The following NWD1 variants were observed in gnomAD, a reference collection of about 807,000 sequenced individuals.
The protein encoded by NWD1 is NACHT and WD repeat domain containing 1, also known as NACHT domain- and WD repeat-containing protein 1.
NWD1 carries 129 observed loss-of-function variants against 135.1 expected under a neutral mutation model. That is an observed-to-expected ratio of 0.96 (90% CI 0.83 to 1.11). The LOEUF (loss-of-function observed/expected upper bound fraction) is 1.11. NWD1 is among the 50% of genes least tolerant of loss of function. NWD1 has a pLI of 0.00. For missense variants in NWD1, 1,740 were observed against 1,851.3 expected (o/e 0.94, Z 1.10); for synonymous variants, 773 against 786.0 (o/e 0.98, Z 0.28).
intron 2 of NWD1, among the ~76,000 whole-genome samples, chr19:16,726,154 G>A (rs1396099237): frequency 9.9e-5 from 15 of 151,778 alleles, no homozygotes; most frequent in African/African-American, 3.1e-4. Context: ...AAGAGACAGG[G>A]TTTCTCCACA....
At chr19:16,772,272 G>A (rs960152682) in intron 10 of NWD1, among the ~76,000 whole-genome samples, 3 of 152,170 alleles carry the variant, frequency 2.0e-5, no homozygotes, top group Non-Finnish European at 2.9e-5. Flanking sequence ...GGCTGTGGCC[G>A]GAAGATCGCT....
intron 18 of NWD1, among the ~76,000 whole-genome samples, chr19:16,814,798 C>A (rs1041202829): frequency 5.9e-5 from 9 of 152,148 alleles, no homozygotes; most frequent in African/African-American, 2.2e-4. Context: ...AAGCACATGA[C>A]CTGCATGATG....
chr19:16,753,230 T>C (rs1363023967), intron 6 of NWD1, among the ~76,000 whole-genome samples: 1 of 152,192 alleles, frequency 6.6e-6, no homozygotes, highest in Non-Finnish European at 1.5e-5. Flanking sequence ...ACAGTTGGCA[T>C]CAGGAGCCCA....
chr19:16,805,605 T>C (rs1489068759), intron 17 of NWD1, among the ~76,000 whole-genome samples: 1 of 152,280 alleles, frequency 6.6e-6, no homozygotes, highest in East Asian at 1.9e-4. Flanking sequence ...TAGATGGGAT[T>C]ACAGGCATGA....
chr19:16,779,563 C>T (rs1303801770), intron 12 of NWD1, 98 bp downstream of exon 12: 1 of 1,172,170 alleles, frequency 8.5e-7, no homozygotes, highest in Non-Finnish European at 1.2e-6. Context: ...TATTGAAACC[C>T]TGGCCTTTGT....
intron 17 of NWD1, 102 bp downstream of exon 17, chr19:16,800,264 T>G: frequency 8.3e-7 from 1 of 1,202,780 alleles, no homozygotes; most frequent in Non-Finnish European, 1.2e-6. Context: ...CTGGGCCCCA[T>G]GGCTCACGCC....
At chr19:16,783,959 C>T (rs1410913982) in intron 12 of NWD1, among the ~76,000 whole-genome samples, 1 of 151,990 alleles carries the variant, frequency 6.6e-6, no homozygotes, top group Non-Finnish European at 1.5e-5. Context: ...CGTCTGTAAT[C>T]CCAACACTTC....
Position 16,749,864 on chromosome 19 carries a change from G to A in NWD1, c.1222G>A (p.Asp408Asn). The A allele has an allele frequency of 6.2e-7, 1 of 1,613,146 alleles. No individual in the cohort carries two copies. Among genetic ancestry groups the A allele is most frequent in the Non-Finnish European group, 8.5e-7 (1 of 1,179,752 alleles). ...GCCCTTGCCCCCTGCCCAGGTTCTG[G>A]ACGCCCACACCAGGGTGGTCCAGTT... ...GLPLPPAQVL[D>N]AHTRVVQFFH... Residue 408 changes from aspartate (D) to asparagine (N), a missense_variant, in exon 6 of 19, where the codon GAC becomes AAC. Transcript: ENST00000524140.
In NWD1 at chr19:16,776,880, T is replaced by C. The variant is rs560793198; in HGVS notation, c.2609-2463T>C. ...TGGCTTGAGCCCAAGAGTTCGAGGCTGCAGTGAGCTGTGATTGTGGCACTG... is the reference window on the plus strand; with the variant it reads ...TGGCTTGAGCCCAAGAGTTCGAGGCCGCAGTGAGCTGTGATTGTGGCACTG... On this transcript the variant is annotated intron_variant, in intron 11 of 18. Coordinates refer to ENST00000524140, the MANE Select transcript of NWD1 (RefSeq NM_001007525.5). 9.4e-5 allele frequency among the ~76,000 whole-genome samples: 13 copies of C among 138,914 alleles called. No homozygotes were observed. The South Asian group carries it at 3.1e-3, about 33-fold the overall frequency. The allele number at this position is 138,914 out of a possible 152,430, so 91.1% of individuals were successfully genotyped here. A position where few individuals can be genotyped will look rare whatever the true frequency, so the allele number is the denominator to read the frequency against.
chr19:16,789,118 C>A lies in NWD1; in HGVS notation c.2868C>A (p.Pro956=). The change falls in exon 13 of 19, where the codon CCC becomes CCA. Residue 956 remains proline, a synonymous_variant. Transcript: ENST00000524140. ...TTTGGGATGGAGGCTCAAAAAATCC[C>A]GCTGAACCTCAGATCTGGAACCTTC... The part of the protein sequence containing the change: ...FTIWDGGSKN[P]AEPQIWNLHV... 1 of 1,613,946 alleles carries A rather than the reference C, an allele frequency of 6.2e-7. No individual in the cohort carries two copies. Among genetic ancestry groups the A allele is most frequent in the South Asian group, 1.1e-5 (1 of 91,074 alleles).
rs1451487277 is a variant in NWD1 at position 16,724,479 on chromosome 19, C to T, written c.-7+16C>T. 6.6e-6 allele frequency: 1 copy of T among 152,194 alleles called. No homozygotes were observed. Among genetic ancestry groups the T allele is most frequent in the Non-Finnish European group, 1.5e-5 (1 of 68,052 alleles). 9.4% of individuals were successfully genotyped at this position (152,194 alleles called of 1,614,324 possible). On this transcript the variant is annotated intron_variant, in intron 2 of 18. Coordinates refer to ENST00000524140, the MANE Select transcript of NWD1 (RefSeq NM_001007525.5). ...GGATGCCAAGGTATACGCGTGTTCT[C>T]TCTGCCTCCAGCGGTGGTTTGCTAC... is the stretch of plus-strand genomic sequence containing the variant.
chr19:16,788,262 TAATAA>T (rs1970120814), intron 12 of NWD1, among the ~76,000 whole-genome samples: 1 of 142,198 alleles, frequency 7.0e-6, no homozygotes, highest in African/African-American at 2.6e-5. Context: ...ATAATAATAA[TAATAA>T]TAATAATAAT....
chr19:16,744,598 A>G lies in NWD1; in HGVS notation c.376A>G (p.Thr126Ala), dbSNP rs948137493. 2.6e-6 allele frequency: 4 copies of G among 1,535,242 alleles called. No homozygotes were observed. The highest frequency in any genetic ancestry group is 2.6e-6 in the Non-Finnish European group (3 of 1,146,428). The change falls in exon 5 of 19, where the codon ACT (threonine) becomes GCT (alanine). Residue 126 changes from threonine (T) to alanine (A), a missense_variant. By Grantham distance (58) the Thr-to-Ala change is moderately conservative. Transcript: ENST00000524140. Reference sequence around the variant, plus strand: ...CACCTACGTCCTGCAGGCACCAGGTACTGGGGAGGCCTGTGAACCAGAGGA... The same window carrying G: ...CACCTACGTCCTGCAGGCACCAGGTGCTGGGGAGGCCTGTGAACCAGAGGA... ...PPTYVLQAPG[T>A]GEACEPEEAT...
intron 10 of NWD1, among the ~76,000 whole-genome samples, chr19:16,768,975 G>T (rs775842851): frequency 2.0e-5 from 3 of 152,152 alleles, no homozygotes; most frequent in Non-Finnish European, 2.9e-5. Context: ...ATCCTCGGAG[G>T]TCTGCCTACT....
At chr19:16,731,137 G>C (rs1234060104) in intron 2 of NWD1, 55 bp from the exon 3 acceptor site, 2 of 878,010 alleles carry the variant, frequency 2.3e-6, no homozygotes, top group Admixed American at 4.9e-5. Context: ...GAGCTATGAG[G>C]CTGGGAAGAG....
At chr19:16,776,872 T>C (rs901598780) in intron 11 of NWD1, among the ~76,000 whole-genome samples, 4 of 131,976 alleles carry the variant, frequency 3.0e-5, no homozygotes, top group African/African-American at 1.1e-4. Context: ...AGCCCAAGAG[T>C]TCGAGGCTGC....
intron 4 of NWD1, among the ~76,000 whole-genome samples, chr19:16,741,654 C>G (rs1968089842): frequency 6.6e-6 from 1 of 152,038 alleles, no homozygotes; most frequent in Admixed American, 6.6e-5. Context: ...CAGGCATGAG[C>G]TACCATGCCT....
Position 16,750,410 on chromosome 19 carries a change from C to G in NWD1, c.1768C>G (p.Arg590Gly), listed in dbSNP as rs754371654. Residue 590 changes from arginine (R) to glycine (G), a missense_variant and splice_region_variant, in exon 6 of 19, where the codon CGA becomes GGA. Physicochemically the swap from Arg to Gly is moderately radical, Grantham distance 125 (BLOSUM62 -2). Coordinates refer to ENST00000524140, the MANE Select transcript of NWD1 (RefSeq NM_001007525.5). Reference protein sequence around the residue: ...AHVLGYIVSSRHGLSEAELKD... With the variant: ...AHVLGYIVSSGHGLSEAELKD... ...CGTGCTGGGCTACATTGTGTCTTCC[C>G]GGTAAGTCTCTGTGTTTTGAAACTC... 6.5e-7 allele frequency: 1 copy of G among 1,542,244 alleles called. No individual in the cohort carries two copies. The highest frequency in any genetic ancestry group is 1.4e-5 in the African/African-American group (1 of 71,886).
At chr19:16,731,064 C>T (rs1299716836) in intron 2 of NWD1, 128 bp from the exon 3 acceptor site, 6 of 564,532 alleles carry the variant, frequency 1.1e-5, no homozygotes, top group South Asian at 4.5e-5. Context: ...GGCAACATAG[C>T]GAGATCCCAT....
Sources: allele counts gnomAD v4.1 joint callset (sites outside exome capture counted in the v4.1 genomes callset), GRCh38; gene constraint gnomAD v4.1.1; transcripts MANE v1.5; gene names NCBI Gene and HGNC (gene_info 2026-07-23, HGNC 2026-07-21).